The following NARS2 variants were observed in gnomAD, a reference collection of about 807,000 sequenced individuals.
The protein encoded by NARS2 is asparaginyl-tRNA synthetase 2, mitochondrial.
In NARS2, 60 loss-of-function variants were observed where a neutral mutation model predicts 62.9. The observed-to-expected ratio is 0.95, with a 90% CI of 0.77 to 1.18. The LOEUF (loss-of-function observed/expected upper bound fraction) is 1.18. Among genes scored for constraint, NARS2 ranks in the 50% most tolerant of loss-of-function variants. NARS2 has a pLI of 0.00. For synonymous variants in NARS2, 196 were observed against 200.0 expected (o/e 0.98, Z 0.17); for missense variants, 619 against 576.4 (o/e 1.07, Z -0.76).
intron 6 of NARS2, among the ~76,000 whole-genome samples, chr11:78,525,533 A>G (rs577928993): frequency 5.3e-5 from 8 of 152,286 alleles, no homozygotes; most frequent in Admixed American, 5.2e-4. Context: ...ATTATAACCC[A>G]AACTATGAAA....
At chr11:78,439,985 G>C (rs1031720962) in intron 13 of NARS2, among the ~76,000 whole-genome samples, 2 of 152,150 alleles carry the variant, frequency 1.3e-5, no homozygotes, top group Admixed American at 1.3e-4. Flanking sequence ...GGGGGCATTA[G>C]GGATCACTTA....
At chr11:78,448,183 T>TTA (rs1857830106) in intron 11 of NARS2, among the ~76,000 whole-genome samples, 2 of 152,072 alleles carry the variant, frequency 1.3e-5, no homozygotes, top group South Asian at 4.1e-4. Context: ...CATATACTTA[T>TTA]TATATATATG....
intron 11 of NARS2, 55 bp from the exon 12 acceptor site, chr11:78,443,813 A>G: frequency 2.3e-6 from 3 of 1,312,026 alleles, no homozygotes; most frequent in Non-Finnish European, 3.2e-6. Flanking sequence ...TCCAACAGTC[A>G]GTTTCTGAAG....
At chr11:78,455,161 T>C (rs1858113345) in intron 11 of NARS2, among the ~76,000 whole-genome samples, 1 of 152,154 alleles carries the variant, frequency 6.6e-6, no homozygotes, top group Non-Finnish European at 1.5e-5. Flanking sequence ...ATACATACAA[T>C]GCCTCTCTGT....
At chr11:78,540,500 A>T (rs1198559981) in intron 5 of NARS2, among the ~76,000 whole-genome samples, 1 of 152,194 alleles carries the variant, frequency 6.6e-6, no homozygotes, top group African/African-American at 2.4e-5. Flanking sequence ...TTTGACCTCT[A>T]CAATCACTGA....
chr11:78,443,141 C>A (rs527911199), intron 12 of NARS2, among the ~76,000 whole-genome samples: 13 of 151,862 alleles, frequency 8.6e-5, no homozygotes, highest in African/African-American at 2.9e-4. Flanking sequence ...CCGGCTAACA[C>A]GGTGAAACTC....
chr11:78,493,678 A>C lies in NARS2; in HGVS notation c.690-483T>G, dbSNP rs1003680711. ...CTCAATAAATGAACAAACAAACAAA[A>C]AAAAAAAAGAAAAAAAAAAGTTACA... On this transcript the variant is annotated intron_variant, in intron 6 of 13. Coordinates refer to ENST00000281038, the MANE Select transcript of NARS2 (RefSeq NM_024678.6). 4.6e-5 allele frequency among the ~76,000 whole-genome samples: 7 copies of C among 151,588 alleles called. No individual in the cohort carries two copies. In the East Asian group the frequency reaches 1.4e-3, roughly 29 times the overall value.
At chr11:78,453,261 T>C (rs773657812) in intron 11 of NARS2, among the ~76,000 whole-genome samples, 1 of 152,200 alleles carries the variant, frequency 6.6e-6, no homozygotes, top group African/African-American at 2.4e-5. Context: ...AGGCCCAGAA[T>C]GCTCTCTGAC....
intron 1 of NARS2, 185 bp from the exon 2 acceptor site, chr11:78,571,629 T>C (rs1210594783): frequency 8.1e-6 from 4 of 496,228 alleles, no homozygotes; most frequent in African/African-American, 1.9e-5. Context: ...ATACACACTT[T>C]GGTATTCTAT....
chr11:78,470,882 A>AT (rs67863152), intron 9 of NARS2, among the ~76,000 whole-genome samples: 36,581 of 135,084 alleles, frequency 0.27, 5,454 homozygotes, highest in East Asian at 0.49. Flanking sequence ...AGTATTTTGG[A>AT]TTTTTTTTTT....
chr11:78,439,866 T>C (rs1857522621), intron 13 of NARS2, among the ~76,000 whole-genome samples: 1 of 152,154 alleles, frequency 6.6e-6, no homozygotes, highest in South Asian at 2.1e-4. Flanking sequence ...TATTGAAAAG[T>C]ACTTGAAGAA....
intron 7 of NARS2, among the ~76,000 whole-genome samples, chr11:78,483,890 A>T (rs7929884): frequency 0.25 from 37,855 of 152,048 alleles, 5,164 homozygotes; most frequent in East Asian, 0.42. Flanking sequence ...AAAAAACTAC[A>T]TTAAATTTCA....
chr11:78,518,351 A>G (rs1326477848), intron 6 of NARS2, among the ~76,000 whole-genome samples: 1 of 152,162 alleles, frequency 6.6e-6, no homozygotes, highest in Non-Finnish European at 1.5e-5. Flanking sequence ...CAGTAGAGGA[A>G]AATTATAAAA....
At chr11:78,560,795 C>T (rs990057512) in intron 4 of NARS2, among the ~76,000 whole-genome samples, 3 of 152,312 alleles carry the variant, frequency 2.0e-5, no homozygotes, top group East Asian at 3.9e-4. Context: ...CCCAGAGGTG[C>T]TGCACAGAGC....
At chr11:78,468,568 C>A (rs986203917) in intron 10 of NARS2, among the ~76,000 whole-genome samples, 11 of 151,398 alleles carry the variant, frequency 7.3e-5, no homozygotes, top group African/African-American at 2.2e-4. Context: ...CCTCACCCAG[C>A]TAATTTTTTG....
chr11:78,573,267 A>G (rs1044114891), intron 1 of NARS2: 1 of 152,266 alleles, frequency 6.6e-6, no homozygotes, highest in Non-Finnish European at 1.5e-5. Flanking sequence ...AACATCTACC[A>G]GGCTTATGCC....
intron 5 of NARS2, among the ~76,000 whole-genome samples, chr11:78,534,918 CA>C (rs1427921912): frequency 6.6e-6 from 1 of 152,138 alleles, no homozygotes; most frequent in Admixed American, 6.5e-5. Flanking sequence ...CCAAGGAATA[CA>C]GCAATAAAAG....
intron 5 of NARS2, among the ~76,000 whole-genome samples, chr11:78,538,326 A>G (rs1453990517): frequency 1.3e-5 from 2 of 152,164 alleles, no homozygotes; most frequent in Non-Finnish European, 2.9e-5. Context: ...GATAATCTGT[A>G]TATACACCTC....
intron 4 of NARS2, among the ~76,000 whole-genome samples, chr11:78,563,659 C>T (rs1245998702): frequency 2.0e-5 from 3 of 148,690 alleles, no homozygotes; most frequent in African/African-American, 7.4e-5. Flanking sequence ...AGTGAAACCC[C>T]GTCTCTACTA....
Sources: gnomAD v4.1 joint callset for allele counts (sites outside exome capture counted in the v4.1 genomes callset) on GRCh38, gnomAD v4.1.1 for gene constraint, MANE v1.5 for transcripts, NCBI Gene and HGNC (gene_info 2026-07-23, HGNC 2026-07-21) for gene names.